Variants in LRRC4C observed in about 807,000 individuals in gnomAD.
LRRC4C encodes leucine-rich repeat-containing protein 4C.
LRRC4C carries 5 observed loss-of-function variants against 33.6 expected under a neutral mutation model. The ratio of observed to expected loss-of-function variants is 0.15; its 90% CI spans 0.08 to 0.31. The LOEUF (loss-of-function observed/expected upper bound fraction) is 0.31. Ranked by LOEUF, LRRC4C falls within the 10% of genes least tolerant of loss-of-function variation. The probability of loss-of-function intolerance (pLI) is 1.00; values close to 1 mark genes in which losing one functional copy is unlikely to be tolerated. For missense variants in LRRC4C, 560 were observed against 796.7 expected, an observed-to-expected ratio of 0.70 and a Z score of 3.58; for synonymous variants, 329 against 302.0, an observed-to-expected ratio of 1.09 and a Z score of -0.93.
At chr11:40,300,128 CTGACTTTTAAA>C (rs1333312326) in intron 4 of LRRC4C, among the ~76,000 whole-genome samples, 1 of 152,060 alleles carries the variant, frequency 6.6e-6, no homozygotes, top group Non-Finnish European at 1.5e-5. Context: ...GGAGGTGCTA[CTGACTTTTAAA>C]TGACAAGATT....
At chr11:40,382,795 G>A (rs948800335) in intron 3 of LRRC4C, among the ~76,000 whole-genome samples, 7 of 141,234 alleles carry the variant, frequency 5.0e-5, no homozygotes, top group South Asian at 2.4e-4. Flanking sequence ...CAGGGTTCAC[G>A]CCATTCTCCT....
intron 3 of LRRC4C, among the ~76,000 whole-genome samples, chr11:40,406,234 T>C (rs1466094998): frequency 6.6e-6 from 1 of 152,150 alleles, no homozygotes; most frequent in African/African-American, 2.4e-5. Flanking sequence ...CTTCTTCACC[T>C]GACTAAATGC....
intron 4 of LRRC4C, among the ~76,000 whole-genome samples, chr11:40,289,548 G>A (rs902824886): frequency 2.0e-5 from 3 of 152,194 alleles, no homozygotes; most frequent in African/African-American, 7.2e-5. Context: ...ATGTCTTTCA[G>A]TGGGCACCAA....
At chr11:40,142,121 A>G (rs1414825330) in intron 5 of LRRC4C, among the ~76,000 whole-genome samples, 1 of 151,842 alleles carries the variant, frequency 6.6e-6, no homozygotes, top group Non-Finnish European at 1.5e-5. Context: ...TGTCTCCACT[A>G]AAAATACAAA....
chr11:41,381,652 AT>A (rs1484288498), intron 1 of LRRC4C, among the ~76,000 whole-genome samples: 61 of 151,322 alleles, frequency 4.0e-4, no homozygotes, highest in Non-Finnish European at 7.4e-5. Context: ...AAAAAGAAAG[AT>A]GGAAAAAAGA....
chr11:41,141,070 T>A (rs1943482845), intron 1 of LRRC4C, among the ~76,000 whole-genome samples: 1 of 152,190 alleles, frequency 6.6e-6, no homozygotes, highest in Admixed American at 6.6e-5. Flanking sequence ...AGTGTCATGA[T>A]TGAATCATTG....
chr11:41,302,584 TA>T (rs1950317178), intron 1 of LRRC4C, among the ~76,000 whole-genome samples: 1 of 151,748 alleles, frequency 6.6e-6, no homozygotes, highest in African/African-American at 2.4e-5. Context: ...AATTGCCTAT[TA>T]AAGAAAGAAA....
chr11:41,344,466 C>G (rs987109852), intron 1 of LRRC4C, among the ~76,000 whole-genome samples: 2 of 152,050 alleles, frequency 1.3e-5, no homozygotes, highest in Non-Finnish European at 2.9e-5. Flanking sequence ...GTGATCCGCC[C>G]GCCTCGGCCT....
At chr11:40,550,214 A>T (rs1052197808) in intron 3 of LRRC4C, among the ~76,000 whole-genome samples, 6 of 152,176 alleles carry the variant, frequency 3.9e-5, no homozygotes, top group South Asian at 2.1e-4. Flanking sequence ...GTAATTTAAT[A>T]ATGATACTGA....
At chr11:41,192,235 G>T (rs1945983804) in intron 1 of LRRC4C, among the ~76,000 whole-genome samples, 1 of 152,008 alleles carries the variant, frequency 6.6e-6, no homozygotes, top group Non-Finnish European at 1.5e-5. Context: ...TCTCATGCTT[G>T]CATGTAAGCC....
chr11:40,837,325 TG>T (rs1266638604), intron 2 of LRRC4C, among the ~76,000 whole-genome samples: 2 of 152,140 alleles, frequency 1.3e-5, no homozygotes, highest in Non-Finnish European at 2.9e-5. Flanking sequence ...AACTTTATGA[TG>T]TCCAGGAAAT....
intron 2 of LRRC4C, among the ~76,000 whole-genome samples, chr11:40,767,206 T>C (rs574575208): frequency 1.3e-5 from 2 of 151,874 alleles, no homozygotes; most frequent in Non-Finnish European, 2.9e-5. Flanking sequence ...ATTTCAAGAT[T>C]AAAAACTATA....
chr11:40,640,157 C>A (rs1402332068), intron 3 of LRRC4C, among the ~76,000 whole-genome samples: 1 of 152,042 alleles, frequency 6.6e-6, no homozygotes, highest in Non-Finnish European at 1.5e-5. Flanking sequence ...AGGATGATGA[C>A]AATAAATAGT....
intron 5 of LRRC4C, among the ~76,000 whole-genome samples, chr11:40,204,616 A>G (rs780606298): frequency 2.0e-5 from 3 of 152,070 alleles, no homozygotes; most frequent in Non-Finnish European, 4.4e-5. Flanking sequence ...ACTACCTTCT[A>G]TCATAAAGAC....
At chr11:41,451,191 A>G (rs528404023) in intron 1 of LRRC4C, among the ~76,000 whole-genome samples, 2 of 152,298 alleles carry the variant, frequency 1.3e-5, no homozygotes, top group East Asian at 3.9e-4. Flanking sequence ...TGACTACAGA[A>G]GCAAAAGAAT....
chr11:40,906,369 G>A (rs1299323823), intron 2 of LRRC4C, among the ~76,000 whole-genome samples: 4 of 151,982 alleles, frequency 2.6e-5, no homozygotes, highest in Admixed American at 6.6e-5. Context: ...AAATTAGTTG[G>A]GCATGGTGCC....
At chr11:41,353,938 T>G (rs2052939326) in intron 1 of LRRC4C, among the ~76,000 whole-genome samples, 1 of 151,678 alleles carries the variant, frequency 6.6e-6, no homozygotes, top group Admixed American at 6.6e-5. Flanking sequence ...CAGGCAAACC[T>G]GGAAGCATTC....
At position 41,346,372 on chromosome 11, in the gene LRRC4C, A is replaced by G. The variant is rs1402883218; in HGVS notation, c.-496+113059T>C. Among the ~76,000 whole-genome samples, 6 of 152,182 alleles carry G rather than the reference A, an allele frequency of 3.9e-5. No homozygotes were observed. In the East Asian group the frequency reaches 1.2e-3, roughly 29 times the overall value. On this transcript the variant is annotated intron_variant, in intron 1 of 6. Coordinates refer to ENST00000528697, the MANE Select transcript of LRRC4C (RefSeq NM_001258419.2). ...CTGAAGAAGCAATAAATAAACAAAC[A>G]TAAAAAAATTATCTAACTATGAATT...
chr11:40,192,821 T>C (rs971797578), intron 5 of LRRC4C, among the ~76,000 whole-genome samples: 1 of 152,000 alleles, frequency 6.6e-6, no homozygotes, highest in African/African-American at 2.4e-5. Context: ...CCTCACAGTG[T>C]AAACAAAGCC....
Sources: gnomAD v4.1 joint callset for allele counts (sites outside exome capture counted in the v4.1 genomes callset) on GRCh38, gnomAD v4.1.1 for gene constraint, MANE v1.5 for transcripts, NCBI Gene and HGNC (gene_info 2026-07-23, HGNC 2026-07-21) for gene names.